FAM120A: variants seen among roughly 807,000 people sequenced by gnomAD.
The protein encoded by FAM120A is constitutive coactivator of PPAR-gamma-like protein 1.
FAM120A carries 15 observed loss-of-function variants against 109.7 expected under a neutral mutation model. The observed-to-expected ratio is 0.14, with a 90% CI of 0.09 to 0.21. The LOEUF is 0.21. Ranked by LOEUF, FAM120A falls within the 10% of genes least tolerant of loss-of-function variation. FAM120A has a pLI of 1.00. For synonymous variants in FAM120A, 493 were observed against 572.8 expected, an observed-to-expected ratio of 0.86 and a Z score of 1.99; for missense variants, 899 against 1,439.3, an observed-to-expected ratio of 0.62 and a Z score of 6.07.
chr9:93,453,013 T>G (rs187479526), intron 1 of FAM120A: 1 of 1,203,856 alleles, frequency 8.3e-7, no homozygotes, highest in East Asian at 5.2e-5. Flanking sequence ...AGAATCTTTC[T>G]ATGGCTTTTT....
intron 1 of FAM120A, among the ~76,000 whole-genome samples, chr9:93,468,714 C>G (rs372523951): frequency 6.6e-6 from 1 of 152,178 alleles, no homozygotes; most frequent in Non-Finnish European, 1.5e-5. Flanking sequence ...GTGGCTGTGT[C>G]TATCTCCGTA....
At chr9:93,499,848 C>T (rs990948450) in intron 5 of FAM120A, among the ~76,000 whole-genome samples, 4 of 152,174 alleles carry the variant, frequency 2.6e-5, no homozygotes, top group African/African-American at 7.2e-5. Context: ...AGACTAATTC[C>T]AAGATTGAAA....
intron 3 of FAM120A, among the ~76,000 whole-genome samples, chr9:93,483,216 A>G (rs1167297199): frequency 6.6e-6 from 1 of 152,230 alleles, no homozygotes; most frequent in African/African-American, 2.4e-5. Context: ...GTTAGTGTTA[A>G]TTGAAGTTCA....
At chr9:93,475,695 T>C (rs894647254) in intron 2 of FAM120A, among the ~76,000 whole-genome samples, 5 of 152,114 alleles carry the variant, frequency 3.3e-5, no homozygotes, top group Non-Finnish European at 5.9e-5. Context: ...GCCTCATGAG[T>C]ATTACTGTAG....
chr9:93,453,563 G>C, intron 1 of FAM120A: 4 of 985,416 alleles, frequency 4.1e-6, no homozygotes, highest in Non-Finnish European at 4.8e-6. Flanking sequence ...CCCGCGAGGA[G>C]ATGGTGGTAG....
chr9:93,523,477 T>G, intron 7 of FAM120A: 1 of 374,288 alleles, frequency 2.7e-6, no homozygotes, highest in Non-Finnish European at 4.7e-6. Context: ...TTTTGACACA[T>G]GGTACCATTT....
chr9:93,466,002 G>A (rs1422951579), intron 1 of FAM120A, among the ~76,000 whole-genome samples: 1 of 152,122 alleles, frequency 6.6e-6, no homozygotes, highest in Non-Finnish European at 1.5e-5. Flanking sequence ...GGTGCAGGGC[G>A]CTTCTCAGCA....
intron 11 of FAM120A, among the ~76,000 whole-genome samples, chr9:93,548,278 G>C (rs1158134054): frequency 6.6e-6 from 1 of 151,794 alleles, no homozygotes; most frequent in African/African-American, 2.4e-5. Context: ...TAATTTTTTT[G>C]TTTTTGTATT....
rs1444953050 is a variant in FAM120A at position 93,467,250 on chromosome 9, C to A, written c.475-3891C>A. On this transcript the variant is annotated intron_variant, in intron 1 of 17. Transcript: ENST00000277165. ...TTCTTTGCCAGATCTGCTGTCACCC[C>A]CCCCCCCCTTTTCCCCCATTGAATA... 2.8e-5 allele frequency among the ~76,000 whole-genome samples: 3 copies of A among 107,802 alleles called. 1 individual carries two copies. The highest frequency in any genetic ancestry group is 9.5e-5 in the African/African-American group (3 of 31,576). 70.7% of individuals were successfully genotyped at this position (107,802 alleles called of 152,430 possible).
intron 11 of FAM120A, among the ~76,000 whole-genome samples, chr9:93,549,453 C>A (rs545727577): frequency 6.6e-6 from 1 of 152,324 alleles, no homozygotes; most frequent in African/African-American, 2.4e-5. Context: ...AAACTTTCTA[C>A]TTTGGGCTTC....
At chr9:93,537,213 TC>T (rs1861547622) in intron 10 of FAM120A, among the ~76,000 whole-genome samples, 2 of 152,228 alleles carry the variant, frequency 1.3e-5, no homozygotes, top group Non-Finnish European at 2.9e-5. Flanking sequence ...CAATGGCTTT[TC>T]CTCCTTCAGG....
chr9:93,540,612 C>T (rs191317074), intron 10 of FAM120A, among the ~76,000 whole-genome samples: 10 of 152,298 alleles, frequency 6.6e-5, no homozygotes, highest in Admixed American at 6.5e-4. Flanking sequence ...TCTTTCTGGG[C>T]TGTGTCGAGT....
intron 3 of FAM120A, among the ~76,000 whole-genome samples, chr9:93,476,839 C>G (rs560553558): frequency 6.6e-6 from 1 of 152,092 alleles, no homozygotes; most frequent in Non-Finnish European, 1.5e-5. Flanking sequence ...TTCTTTTTCT[C>G]CCTTTTGATT....
At chr9:93,543,611 A>G in intron 11 of FAM120A, 140 bp downstream of exon 11, 1 of 1,114,314 alleles carries the variant, frequency 9.0e-7, no homozygotes, top group Non-Finnish European at 1.2e-6. Flanking sequence ...TCCCATATTT[A>G]TATATGTGAT....
chr9:93,496,934 T>G (rs911973659), intron 3 of FAM120A, among the ~76,000 whole-genome samples: 4 of 152,224 alleles, frequency 2.6e-5, no homozygotes, highest in African/African-American at 9.6e-5. Flanking sequence ...GTGATACCAT[T>G]TTTCTCCAGT....
intron 5 of FAM120A, among the ~76,000 whole-genome samples, chr9:93,504,317 C>A (rs75879611): frequency 1.3e-5 from 2 of 152,134 alleles, no homozygotes; most frequent in African/African-American, 4.8e-5. Flanking sequence ...ATTCTTAGAA[C>A]GTGAAAGCTC....
intron 12 of FAM120A, among the ~76,000 whole-genome samples, chr9:93,550,965 T>C (rs1862075298): frequency 6.6e-6 from 1 of 152,232 alleles, no homozygotes; most frequent in Non-Finnish European, 1.5e-5. Context: ...TGGATGTTTA[T>C]TCTTATTTAT....
intron 10 of FAM120A, among the ~76,000 whole-genome samples, chr9:93,540,113 T>C (rs1394775064): frequency 6.6e-6 from 1 of 152,218 alleles, no homozygotes; most frequent in East Asian, 1.9e-4. Context: ...AGTCCCTGGA[T>C]CTAGGCCCAG....
At chr9:93,518,036 T>C (rs1423519387) in intron 7 of FAM120A, among the ~76,000 whole-genome samples, 1 of 152,228 alleles carries the variant, frequency 6.6e-6, no homozygotes, top group Non-Finnish European at 1.5e-5. Flanking sequence ...GCATCTTGTT[T>C]CTGCCACTGG....
Sources: gnomAD v4.1 joint callset for allele counts (sites outside exome capture counted in the v4.1 genomes callset) on GRCh38, gnomAD v4.1.1 for gene constraint, MANE v1.5 for transcripts, NCBI Gene and HGNC (gene_info 2026-07-23, HGNC 2026-07-21) for gene names.